STK10: variants seen among roughly 807,000 people sequenced by gnomAD.
STK10 encodes serine/threonine kinase 10.
A neutral mutation model predicts 113.8 loss-of-function variants in STK10; 78 were observed. The ratio of observed to expected loss-of-function variants is 0.69; its 90% CI spans 0.57 to 0.83. The LOEUF (loss-of-function observed/expected upper bound fraction) is 0.83. STK10 is among the 40% of genes least tolerant of loss of function. The probability of loss-of-function intolerance (pLI) is 0.00; values close to 1 mark genes in which losing one functional copy is unlikely to be tolerated. For synonymous variants in STK10, 465 were observed against 494.7 expected (o/e 0.94, Z 0.80); for missense variants, 1,109 against 1,280.1 (o/e 0.87, Z 2.04).
chr5:172,169,843 A>C (rs771781740), intron 1 of STK10, among the ~76,000 whole-genome samples: 13 of 152,200 alleles, frequency 8.5e-5, no homozygotes, highest in Non-Finnish European at 1.6e-4. Flanking sequence ...TTGTGGAAAC[A>C]GCGCAGGACC....
intron 3 of STK10, among the ~76,000 whole-genome samples, chr5:172,125,969 A>T (rs1769611042): frequency 6.6e-6 from 1 of 152,192 alleles, no homozygotes; most frequent in African/African-American, 2.4e-5. Context: ...ATTCAGGTTT[A>T]TGGCATTCAA....
At chr5:172,077,011 T>C (rs985290057) in intron 12 of STK10, among the ~76,000 whole-genome samples, 2 of 152,050 alleles carry the variant, frequency 1.3e-5, no homozygotes, top group Admixed American at 1.3e-4. Flanking sequence ...TAGAGTCACA[T>C]GGGACCACTT....
At position 172,042,144 on chromosome 5, in the gene STK10, CA is replaced by C. The variant is rs1370910240; in HGVS notation, c.*2737del. The C allele has an allele frequency of 6.6e-6, 1 of 152,444 alleles. No homozygotes were observed. Among genetic ancestry groups the C allele is most frequent in the African/African-American group, 2.4e-5 (1 of 41,352 alleles). 9.4% of individuals were successfully genotyped at this position (152,444 alleles called of 1,614,324 possible). ...AGTTAACTTTCCAGAGAACATTTTACAAAAATTTTGTATAAAGTCTGGAAAC... is the reference window on the plus strand; with the variant it reads ...AGTTAACTTTCCAGAGAACATTTTACAAAATTTTGTATAAAGTCTGGAAAC... On this transcript the variant is annotated 3_prime_UTR_variant, in exon 19 of 19. Coordinates refer to ENST00000176763, the MANE Select transcript of STK10 (RefSeq NM_005990.4).
At chr5:172,114,734 C>G (rs1393776748) in intron 4 of STK10, 4 of 151,864 alleles carry the variant, frequency 2.6e-5, no homozygotes, top group African/African-American at 9.7e-5. Flanking sequence ...CCGCCCGCCT[C>G]GGCCTCCCAA....
chr5:172,158,420 G>A lies in STK10; in HGVS notation c.157-1632C>T, dbSNP rs567425348. ...AGGCAGGCAGATCACTTGAGGTCAG[G>A]AGTTCGAGACCAGCCTGGCCAACAT... On this transcript the variant is annotated intron_variant, in intron 1 of 18. Transcript: ENST00000176763. Among the ~76,000 whole-genome samples, 96 of 152,270 alleles carry A rather than the reference G, an allele frequency of 6.3e-4. 4 individuals carry two copies. In the South Asian group the frequency reaches 0.02, roughly 31 times the overall value.
rs765004627 is a variant in STK10, at chr5:172,082,376, C to G, written c.1939G>C (p.Asp647His). Residue 647 changes from aspartate to histidine, a missense_variant, in exon 12 of 19, where the codon GAT becomes CAT. Transcript: ENST00000176763. This position sits in a 1 kb window ranked among gnomAD's most constrained non-coding sequence, Gnocchi z 4.3. ...EEARRIRLEQ[D>H]RDYTRFQEQL... is the part of the protein sequence containing the mutation. Reference sequence around the variant, plus strand: ...TCTTGGAACCTGGTGTAGTCCCGATCCTGCTCCAGGCGGATCCGCCTGGCC... The same window carrying G: ...TCTTGGAACCTGGTGTAGTCCCGATGCTGCTCCAGGCGGATCCGCCTGGCC... 6.2e-7 allele frequency: 1 copy of G among 1,604,638 alleles called. No homozygotes were observed. Among genetic ancestry groups the G allele is most frequent in the South Asian group, 1.1e-5 (1 of 89,820 alleles).
At chr5:172,046,114 C>T (rs917656118) in intron 18 of STK10, among the ~76,000 whole-genome samples, 7 of 151,698 alleles carry the variant, frequency 4.6e-5, no homozygotes, top group African/African-American at 1.5e-4. Context: ...AATCCCAGCA[C>T]TTTGGGAGGC....
intron 12 of STK10, among the ~76,000 whole-genome samples, chr5:172,077,919 G>A (rs1056749415): frequency 3.9e-5 from 6 of 152,148 alleles, no homozygotes; most frequent in Non-Finnish European, 7.3e-5. Context: ...CAGCATCCAC[G>A]TGTGAATTAC....
chr5:172,156,967 C>T (rs111528029), intron 1 of STK10, among the ~76,000 whole-genome samples, 179 bp from the exon 2 acceptor site: 28 of 152,210 alleles, frequency 1.8e-4, no homozygotes, highest in African/African-American at 6.3e-4. Flanking sequence ...AGAGTAAGTA[C>T]CATACACCCC....
chr5:172,184,602 G>A (rs1236456345), intron 1 of STK10, among the ~76,000 whole-genome samples: 1 of 152,072 alleles, frequency 6.6e-6, no homozygotes, highest in Non-Finnish European at 1.5e-5. Context: ...GGCGGAGAGG[G>A]CTGTGGTGGA....
At chr5:172,086,517 C>T (rs1768563325) in intron 10 of STK10, among the ~76,000 whole-genome samples, 1 of 152,174 alleles carries the variant, frequency 6.6e-6, no homozygotes, top group Non-Finnish European at 1.5e-5. Flanking sequence ...AAGGCTGAGG[C>T]TCAAGAGCGA....
intron 18 of STK10, among the ~76,000 whole-genome samples, chr5:172,047,469 G>C (rs1464456225): frequency 6.6e-6 from 1 of 152,212 alleles, no homozygotes; most frequent in East Asian, 1.9e-4. Context: ...ATGTCAGCAG[G>C]AACATTATTG....
chr5:172,157,803 C>G (rs1218414049), intron 1 of STK10, among the ~76,000 whole-genome samples: 1 of 152,008 alleles, frequency 6.6e-6, no homozygotes, highest in Admixed American at 6.6e-5. Context: ...ATTGGCTGGG[C>G]TGGTCTCGAA....
At chr5:172,081,381 A>C (rs114677686) in intron 12 of STK10, among the ~76,000 whole-genome samples, 5,534 of 151,134 alleles carry the variant, frequency 0.037, 357 homozygotes, top group African/African-American at 0.13. Flanking sequence ...AAATCAGGCT[A>C]AATCTACTCT....
chr5:172,053,350 C>G (rs1257116218), intron 17 of STK10: 5 of 323,774 alleles, frequency 1.5e-5, no homozygotes, highest in South Asian at 1.3e-4. Flanking sequence ...GAGCCCTCAC[C>G]AGAACCCCAC....
Position 172,105,528 on chromosome 5 carries a change from C to T in STK10, c.870+128G>A, listed in dbSNP as rs913126984. On this transcript the variant is annotated intron_variant, in intron 7 of 18. Transcript: ENST00000176763. ...ATTCAGGAGGTGCCTGGGGAATACC[C>T]GCTGATGGACAAACAGCTGTCCATG... 4.8e-5 allele frequency: 48 copies of T among 1,002,908 alleles called. 1 individual carries two copies. The highest frequency in any genetic ancestry group is 2.5e-4 in the East Asian group (10 of 39,768). 62.1% of individuals were successfully genotyped at this position (1,002,908 alleles called of 1,614,324 possible).
chr5:172,056,955 G>GAAGGAAGGAAGGAAAGA (rs1561789967), intron 15 of STK10: 1 of 59,852 alleles, frequency 1.7e-5, no homozygotes, highest in African/African-American at 9.3e-5. Flanking sequence ...AAGAAAGAAG[G>GAAGGAAGGAAGGAAAGA]AAAGAAAGAA....
intron 2 of STK10, among the ~76,000 whole-genome samples, chr5:172,134,856 C>A (rs1561820396): frequency 1.3e-5 from 2 of 149,436 alleles, no homozygotes; most frequent in Non-Finnish European, 3.0e-5. Context: ...CTTGGGAGGT[C>A]GAGAATGCAG....
At chr5:172,150,898 A>G (rs898807869) in intron 2 of STK10, among the ~76,000 whole-genome samples, 1 of 152,186 alleles carries the variant, frequency 6.6e-6, no homozygotes, top group African/African-American at 2.4e-5. Context: ...CCTCATCAGG[A>G]AGTCTTAGGG....
Sources: allele counts gnomAD v4.1 joint callset (sites outside exome capture counted in the v4.1 genomes callset), GRCh38; gene constraint gnomAD v4.1.1; non-coding constraint Gnocchi (gnomAD v3.1); transcripts MANE v1.5; gene names NCBI Gene and HGNC (gene_info 2026-07-23, HGNC 2026-07-21).